Variants in PTAR1 observed in about 807,000 individuals in gnomAD.
PTAR1 encodes the protein protein prenyltransferase alpha subunit repeat-containing protein 1.
PTAR1 carries 17 observed loss-of-function variants against 45.5 expected under a neutral mutation model. The observed-to-expected ratio is 0.37, with a 90% CI of 0.26 to 0.56. The LOEUF (loss-of-function observed/expected upper bound fraction) is 0.56, where lower values mean the gene tolerates loss of function less well. PTAR1 is among the 20% of genes least tolerant of loss of function. The probability of loss-of-function intolerance (pLI) is 0.77; values close to 1 mark genes in which losing one functional copy is unlikely to be tolerated. For missense variants in PTAR1, 391 were observed against 476.3 expected, an observed-to-expected ratio of 0.82 and a Z score of 1.67; for synonymous variants, 169 against 171.3, an observed-to-expected ratio of 0.99 and a Z score of 0.11.
intron 5 of PTAR1, among the ~76,000 whole-genome samples, chr9:69,725,752 A>T (rs1347649709): frequency 1.3e-5 from 2 of 152,076 alleles, no homozygotes; most frequent in African/African-American, 2.4e-5. Context: ...TGTTAGAATA[A>T]AAAGATATAA....
chr9:69,733,606 TTGTA>T (rs2134114395), intron 4 of PTAR1, among the ~76,000 whole-genome samples: 1 of 152,294 alleles, frequency 6.6e-6, no homozygotes, highest in South Asian at 2.1e-4. Flanking sequence ...AAAATGTTCT[TTGTA>T]TGTATGGATT....
intron 1 of PTAR1, among the ~76,000 whole-genome samples, chr9:69,751,839 A>C (rs1826548723): frequency 6.6e-6 from 1 of 152,126 alleles, no homozygotes; most frequent in Non-Finnish European, 1.5e-5. Context: ...GGTAGCATCT[A>C]TATCCCTCAA....
intron 3 of PTAR1, among the ~76,000 whole-genome samples, chr9:69,740,701 G>C (rs929931564): frequency 6.7e-6 from 1 of 150,104 alleles, no homozygotes; most frequent in Admixed American, 6.6e-5. Flanking sequence ...AAAAAGCTCT[G>C]AATTTTAAGT....
At chr9:69,722,531 T>G (rs994348456) in intron 6 of PTAR1, among the ~76,000 whole-genome samples, 1 of 152,162 alleles carries the variant, frequency 6.6e-6, no homozygotes, top group African/African-American at 2.4e-5. Flanking sequence ...TTCAGGTAAG[T>G]TAATTTGCAG....
intron 2 of PTAR1, among the ~76,000 whole-genome samples, chr9:69,748,225 G>C (rs148049405): frequency 6.6e-6 from 1 of 152,080 alleles, no homozygotes; most frequent in Non-Finnish European, 1.5e-5. Flanking sequence ...AAAAGAGAGA[G>C]GAGCAAGAAA....
chr9:69,744,658 T>C (rs1826194561), intron 2 of PTAR1, among the ~76,000 whole-genome samples: 1 of 152,192 alleles, frequency 6.6e-6, no homozygotes, highest in Admixed American at 6.5e-5. Context: ...AGTGCTGGCA[T>C]TACAGGTGTG....
In PTAR1 at chr9:69,712,268, A is replaced by G. The variant is rs1252697520; in HGVS notation, c.*6074T>C. On this transcript the variant is annotated 3_prime_UTR_variant, in exon 8 of 8. Transcript: ENST00000340434. Reference sequence around the variant, plus strand: ...AGAATGTTATTGTTTGTAAACCACTAAAGACTTAATATGAACAGTTTACAT... The same window carrying G: ...AGAATGTTATTGTTTGTAAACCACTGAAGACTTAATATGAACAGTTTACAT... The G allele has an allele frequency of 4.6e-5, 7 of 152,174 alleles. No individual in the cohort carries two copies. The highest frequency in any genetic ancestry group is 1.2e-4 in the African/African-American group (5 of 41,460). The allele number at this position is 152,174 out of a possible 1,614,324, so 9.4% of individuals were successfully genotyped here. A position where few individuals can be genotyped will look rare whatever the true frequency, so the allele number is the denominator to read the frequency against.
chr9:69,721,389 T>C (rs1824999208), intron 6 of PTAR1, among the ~76,000 whole-genome samples: 1 of 152,124 alleles, frequency 6.6e-6, no homozygotes, highest in Admixed American at 6.5e-5. Flanking sequence ...TTGCTTTTTA[T>C]GGATGAACCA....
rs746806278 is a variant in PTAR1 at position 69,750,736 on chromosome 9, T to C, written c.256+45A>G. 8.5e-6 allele frequency: 12 copies of C among 1,418,164 alleles called. No homozygotes were observed. In the South Asian group the frequency reaches 1.6e-4, roughly 18 times the overall value. 87.8% of individuals were successfully genotyped at this position (1,418,164 alleles called of 1,614,324 possible). On this transcript the variant is annotated intron_variant, in intron 2 of 7. Coordinates refer to ENST00000340434, the MANE Select transcript of PTAR1 (RefSeq NM_001099666.2). Reference sequence around the variant, plus strand: ...GAAGGGCTCTTCCTACTATATTCCATGTCGCTTCTAAAAACCAAATGAAGA... The same window carrying C: ...GAAGGGCTCTTCCTACTATATTCCACGTCGCTTCTAAAAACCAAATGAAGA...
intron 2 of PTAR1, among the ~76,000 whole-genome samples, chr9:69,742,964 G>C (rs1299895682): frequency 6.6e-6 from 1 of 151,958 alleles, no homozygotes; most frequent in Non-Finnish European, 1.5e-5. Flanking sequence ...TATTGTCTTT[G>C]TCTTACTAAA....
intron 4 of PTAR1, among the ~76,000 whole-genome samples, 152 bp from the exon 5 acceptor site, chr9:69,732,504 G>T (rs368952098): frequency 1.4e-4 from 21 of 152,040 alleles, no homozygotes; most frequent in African/African-American, 5.1e-4. Flanking sequence ...GATGGGGAGG[G>T]GTTGTTTTGT....
intron 4 of PTAR1, among the ~76,000 whole-genome samples, chr9:69,733,623 A>G (rs1351139341): frequency 1.3e-5 from 2 of 152,184 alleles, no homozygotes; most frequent in African/African-American, 4.8e-5. Flanking sequence ...TATGGATTTT[A>G]GCAACTTTAG....
rs1168396563 is a variant in PTAR1, at chr9:69,712,397, T to C, written c.*5945A>G. 1 of 152,174 alleles carries C rather than the reference T, an allele frequency of 6.6e-6. No homozygotes were observed. Among genetic ancestry groups the C allele is most frequent in the African/African-American group, 2.4e-5 (1 of 41,460 alleles). 9.4% of individuals were successfully genotyped at this position (152,174 alleles called of 1,614,324 possible). On this transcript the variant is annotated 3_prime_UTR_variant, in exon 8 of 8. Coordinates refer to ENST00000340434, the MANE Select transcript of PTAR1 (RefSeq NM_001099666.2). ...AAACTGCTTTAAGTAGGAGCACTTT[T>C]AGCATACACAAAAATAAAAATCCTT...
At chr9:69,728,615 G>A (rs1017063523) in intron 5 of PTAR1, among the ~76,000 whole-genome samples, 1 of 152,124 alleles carries the variant, frequency 6.6e-6, no homozygotes, top group Non-Finnish European at 1.5e-5. Flanking sequence ...GGTGGTGTGG[G>A]TAGGTTTTTT....
At chr9:69,734,970 C>T (rs1021462590) in intron 3 of PTAR1, among the ~76,000 whole-genome samples, 7 of 152,154 alleles carry the variant, frequency 4.6e-5, no homozygotes, top group South Asian at 2.1e-4. Flanking sequence ...ATTTAGGTTG[C>T]GTCAAACTTT....
In PTAR1 at chr9:69,711,988, A is replaced by C. The variant is rs999927614; in HGVS notation, c.*6354T>G. ...CTATAACTGTACCCAGTCTTTAACT[A>C]ATAAGAAAAAAATACCTGCTCCAAA... On this transcript the variant is annotated 3_prime_UTR_variant, in exon 8 of 8. Transcript: ENST00000340434. 1 of 152,164 alleles carries C rather than the reference A, an allele frequency of 6.6e-6. No homozygotes were observed. Among genetic ancestry groups the C allele is most frequent in the Admixed American group, 6.6e-5 (1 of 15,250 alleles). The allele number at this position is 152,164 out of a possible 1,614,324, so 9.4% of individuals were successfully genotyped here.
intron 1 of PTAR1, among the ~76,000 whole-genome samples, chr9:69,754,532 C>CTTTTTTTTTTTTTTTTTT (rs60025062): frequency 5.2e-5 from 4 of 76,260 alleles, no homozygotes; most frequent in East Asian, 4.0e-4. Flanking sequence ...GGGTATATAT[C>CTTTTTTTTTTTTTTTTTT]TTTTTTTTTT....
In PTAR1 at chr9:69,737,790, T is replaced by C. The variant is rs568086035; in HGVS notation, c.324-3536A>G. Among the ~76,000 whole-genome samples, 4 of 152,326 alleles carry C rather than the reference T, an allele frequency of 2.6e-5. No homozygotes were observed. In the South Asian group the frequency reaches 6.2e-4, roughly 24 times the overall value. On this transcript the variant is annotated intron_variant, in intron 3 of 7. Transcript: ENST00000340434. ...TAAGGTAAATATCATCATTGAGCCA[T>C]ATGAAATTGCTGATACTCAATCTTT...
chr9:69,746,663 A>T (rs1420844790), intron 2 of PTAR1, among the ~76,000 whole-genome samples: 1 of 152,208 alleles, frequency 6.6e-6, no homozygotes, highest in African/African-American at 2.4e-5. Context: ...TGTTACACAC[A>T]CTACAATATA....
Sources: gnomAD v4.1 joint callset for allele counts (sites outside exome capture counted in the v4.1 genomes callset) on GRCh38, gnomAD v4.1.1 for gene constraint, MANE v1.5 for transcripts, NCBI Gene and HGNC (gene_info 2026-07-23, HGNC 2026-07-21) for gene names.